Variants in ZNHIT6 observed in about 807,000 individuals in gnomAD.
ZNHIT6 encodes the protein zinc finger HIT-type containing 6, also known as box C/D snoRNA protein 1.
In ZNHIT6, 45 loss-of-function variants were observed where a neutral mutation model predicts 57.2. The ratio of observed to expected loss-of-function variants is 0.79; its 90% confidence interval spans 0.62 to 1.01. The LOEUF (loss-of-function observed/expected upper bound fraction) is 1.01, where lower values mean the gene tolerates loss of function less well. Ranked by LOEUF, ZNHIT6 falls within the 50% of genes least tolerant of loss-of-function variation. The probability of loss-of-function intolerance (pLI) is 0.00; values close to 1 mark genes in which losing one functional copy is unlikely to be tolerated. For missense variants in ZNHIT6, 528 were observed against 567.3 expected, an observed-to-expected ratio of 0.93 and a Z score of 0.70; for synonymous variants, 188 against 190.0, an observed-to-expected ratio of 0.99 and a Z score of 0.09.
At chr1:85,674,465 T>C (rs1439062632) in intron 8 of ZNHIT6, among the ~76,000 whole-genome samples, 2 of 152,140 alleles carry the variant, frequency 1.3e-5, no homozygotes, top group Admixed American at 6.5e-5. Context: ...AATCAGTCTA[T>C]TCTAGGTATT....
chr1:85,660,601 T>C (rs985752022), intron 8 of ZNHIT6, among the ~76,000 whole-genome samples: 3 of 152,146 alleles, frequency 2.0e-5, no homozygotes, highest in Admixed American at 6.5e-5. Context: ...AAAATTACTA[T>C]GCAACAAGTT....
At chr1:85,670,114 C>T (rs1661514888) in intron 8 of ZNHIT6, among the ~76,000 whole-genome samples, 2 of 151,008 alleles carry the variant, frequency 1.3e-5, no homozygotes, top group Admixed American at 1.3e-4. Flanking sequence ...CAACTGTTTA[C>T]ATGATATACA....
intron 8 of ZNHIT6, among the ~76,000 whole-genome samples, chr1:85,661,929 C>T (rs949067170): frequency 6.6e-5 from 10 of 152,184 alleles, no homozygotes; most frequent in African/African-American, 2.4e-4. Context: ...ACTTGCTCAC[C>T]CTCACAGGTT....
chr1:85,676,267 C>T (rs1370475034), intron 8 of ZNHIT6, among the ~76,000 whole-genome samples: 20 of 139,302 alleles, frequency 1.4e-4, no homozygotes, highest in Admixed American at 1.0e-3. Context: ...ACCTGGGAGG[C>T]GGAGGTTGCG....
chr1:85,655,192 C>T (rs1050288615), intron 9 of ZNHIT6, among the ~76,000 whole-genome samples: 1 of 152,192 alleles, frequency 6.6e-6, no homozygotes, highest in African/African-American at 2.4e-5. Flanking sequence ...CCTTCTCTGG[C>T]TGTCTCTGTA....
chr1:85,660,666 C>A (rs1661199114), intron 8 of ZNHIT6, among the ~76,000 whole-genome samples: 2 of 152,060 alleles, frequency 1.3e-5, no homozygotes. Flanking sequence ...GATCCTGAAA[C>A]TGTAATGATT....
At chr1:85,691,125 G>A (rs1271676378) in intron 5 of ZNHIT6, among the ~76,000 whole-genome samples, 1 of 152,118 alleles carries the variant, frequency 6.6e-6, no homozygotes, top group Non-Finnish European at 1.5e-5. Context: ...AAAACCACTA[G>A]TCATAAAACT....
At chr1:85,689,964 G>A (rs1020711564) in intron 5 of ZNHIT6, among the ~76,000 whole-genome samples, 2 of 152,154 alleles carry the variant, frequency 1.3e-5, no homozygotes, top group African/African-American at 4.8e-5. Flanking sequence ...AGCACTAAAT[G>A]CTAGCATCTG....
chr1:85,671,962 G>A (rs1661567443), intron 8 of ZNHIT6, among the ~76,000 whole-genome samples: 1 of 151,920 alleles, frequency 6.6e-6, no homozygotes, highest in East Asian at 1.9e-4. Flanking sequence ...GAAACTTTTG[G>A]TCTAAAAAGT....
At chr1:85,693,371 A>C (rs1316422943) in intron 5 of ZNHIT6, among the ~76,000 whole-genome samples, 1 of 152,202 alleles carries the variant, frequency 6.6e-6, no homozygotes, top group African/African-American at 2.4e-5. Flanking sequence ...TCTGTCTAAA[A>C]GATGAGAAAG....
In ZNHIT6 at chr1:85,689,862, C is replaced by T. The variant is rs72946667; in HGVS notation, c.1020-8958G>A. 3.3e-3 allele frequency among the ~76,000 whole-genome samples: 498 copies of T among 152,214 alleles called. 3 individuals carry two copies. The highest frequency in any genetic ancestry group is 0.011 in the African/African-American group (466 of 41,542). ...GGGAAAGCCCCACAAAACAAAAAAA[C>T]TGTCCCATTCAAAAATGCCAATAGA... is the stretch of plus-strand genomic sequence containing the variant. On this transcript the variant is annotated intron_variant, in intron 5 of 9. Transcript: ENST00000370574.
At chr1:85,687,308 A>AAAAAC (rs1662088814) in intron 5 of ZNHIT6, among the ~76,000 whole-genome samples, 1 of 145,142 alleles carries the variant, frequency 6.9e-6, no homozygotes, top group African/African-American at 2.5e-5. Context: ...ACAAAAAAAA[A>AAAAAC]AAACAATTTA....
intron 5 of ZNHIT6, among the ~76,000 whole-genome samples, chr1:85,699,223 T>G (rs544111219): frequency 6.6e-6 from 1 of 152,204 alleles, no homozygotes; most frequent in East Asian, 1.9e-4. Flanking sequence ...GCAAATACCA[T>G]TGCAATCATC....
chr1:85,657,817 T>C, intron 9 of ZNHIT6, 30 bp downstream of exon 9: 1 of 1,599,946 alleles, frequency 6.3e-7, no homozygotes, highest in Non-Finnish European at 8.5e-7. Flanking sequence ...AAAGCTATTC[T>C]AAGCATTACA....
At chr1:85,672,044 T>C (rs1422012838) in intron 8 of ZNHIT6, among the ~76,000 whole-genome samples, 1 of 152,212 alleles carries the variant, frequency 6.6e-6, no homozygotes, top group South Asian at 2.1e-4. Flanking sequence ...ATAATATTAC[T>C]ATTTTTTACT....
At position 85,667,961 on chromosome 1, in the gene ZNHIT6, A is replaced by AAAAAAAAAAAAAAAATATGTATATATAT; in HGVS notation, c.1247+9274_1247+9275insATATATATACATATTTTTTTTTTTTTTT. Among the ~76,000 whole-genome samples, 16 of 18,198 alleles carry AAAAAAAAAAAAAAAATATGTATATATAT rather than the reference A, an allele frequency of 8.8e-4. 4 individuals are homozygous for AAAAAAAAAAAAAAAATATGTATATATAT. Among genetic ancestry groups the AAAAAAAAAAAAAAAATATGTATATATAT allele is most frequent in the African/African-American group, 3.4e-3 (16 of 4,708 alleles). 11.9% of individuals were successfully genotyped at this position (18,198 alleles called of 152,430 possible). On this transcript the variant is annotated intron_variant, in intron 8 of 9. Coordinates refer to ENST00000370574, the MANE Select transcript of ZNHIT6 (RefSeq NM_017953.4). ...ACTCTCTCTTTCAAAAAAAAAAAAA[A>AAAAAAAAAAAAAAAATATGTATATATAT]ATATATATATATATATATATATATG...
intron 8 of ZNHIT6, among the ~76,000 whole-genome samples, chr1:85,667,947 C>CAAAAAAAAAAAAAAAAAAA (rs1156795211): frequency 3.2e-4 from 3 of 9,258 alleles, no homozygotes; most frequent in Non-Finnish European, 4.4e-4. Context: ...CTCTCTCTTT[C>CAAAAAAAAAAAAAAAAAAA]AAAAAAAAAA....
At chr1:85,666,999 A>C (rs992813233) in intron 8 of ZNHIT6, among the ~76,000 whole-genome samples, 3 of 152,246 alleles carry the variant, frequency 2.0e-5, no homozygotes, top group African/African-American at 7.2e-5. Context: ...GACCATGATT[A>C]CTTTGAAAAA....
intron 5 of ZNHIT6, among the ~76,000 whole-genome samples, chr1:85,695,860 C>T (rs1460838850): frequency 1.3e-5 from 2 of 152,196 alleles, no homozygotes. Flanking sequence ...CAGGGTGAAA[C>T]CCTGTCTCTA....
Sources: allele counts gnomAD v4.1 joint callset (sites outside exome capture counted in the v4.1 genomes callset), GRCh38; gene constraint gnomAD v4.1.1; transcripts MANE v1.5; gene names NCBI Gene and HGNC (gene_info 2026-07-23, HGNC 2026-07-21).